Variants in ZC3H12C observed in about 807,000 individuals in gnomAD.
The protein encoded by ZC3H12C is zinc finger CCCH-type containing 12C, also known as probable ribonuclease ZC3H12C.
A neutral mutation model predicts 76.3 loss-of-function variants in ZC3H12C; 20 were observed. That is an observed-to-expected ratio of 0.26 (90% CI 0.18 to 0.38). The LOEUF (loss-of-function observed/expected upper bound fraction) is 0.38, where lower values mean the gene tolerates loss of function less well. Among genes scored for constraint, ZC3H12C ranks in the 10% least tolerant of loss-of-function variants. The probability of loss-of-function intolerance (pLI) is 1.00; values close to 1 mark genes in which losing one functional copy is unlikely to be tolerated. For missense variants in ZC3H12C, 874 were observed against 1,086.5 expected (o/e 0.80, Z 2.75); for synonymous variants, 352 against 399.6 (o/e 0.88, Z 1.42).
At chr11:110,095,936 TAATTC>T (rs1168757821) in intron 1 of ZC3H12C, among the ~76,000 whole-genome samples, 4 of 152,222 alleles carry the variant, frequency 2.6e-5, no homozygotes, top group Non-Finnish European at 1.5e-5. Flanking sequence ...TAATGAAAAT[TAATTC>T]AATCAGGATT....
intron 1 of ZC3H12C, among the ~76,000 whole-genome samples, chr11:110,095,056 T>C (rs780349915): frequency 2.5e-4 from 38 of 152,220 alleles, no homozygotes; most frequent in Non-Finnish European, 4.3e-4. Flanking sequence ...AACGGAACTA[T>C]TTTAGTATAA....
rs779618188 is a variant in ZC3H12C at position 110,137,353 on chromosome 11, G to T, written c.712G>T (p.Val238Leu). ...GTCTGAATCTCCAATGCAAGAGATT[G>T]TAACAGATGATGGTGAAAATCTGAG... The part of the protein sequence containing the change: ...QRSESPMQEI[V>L]TDDGENLRPI... Residue 238 changes from valine to leucine, a missense_variant, in exon 2 of 6, where the codon GTA (valine) becomes TTA (leucine). Val to Leu is a conservative substitution (Grantham distance 32). Coordinates refer to ENST00000278590, the MANE Select transcript of ZC3H12C (RefSeq NM_033390.2). The T allele has an allele frequency of 3.7e-5, 59 of 1,613,558 alleles. No homozygotes were observed. Among genetic ancestry groups the T allele is most frequent in the Middle Eastern group, 1.6e-4 (1 of 6,084 alleles).
rs569384050 is a variant in ZC3H12C at position 110,131,850 on chromosome 11, T to C, written c.22-4813T>C. The C allele has an allele frequency of 3.3e-5, 5 of 152,340 alleles. No individual in the cohort carries two copies. In the East Asian group the frequency reaches 9.6e-4, roughly 29 times the overall value. The allele number at this position is 152,340 out of a possible 1,614,324, so 9.4% of individuals were successfully genotyped here. On this transcript the variant is annotated intron_variant, in intron 1 of 5. Transcript: ENST00000278590. ...TACCACATGCCCTATTGTGCGAACA[T>C]ATGCATAAGTCTATTGAAAGTTTTC...
At chr11:110,141,615 C>G (rs578250578) in intron 2 of ZC3H12C, among the ~76,000 whole-genome samples, 7 of 152,228 alleles carry the variant, frequency 4.6e-5, no homozygotes, top group African/African-American at 1.7e-4. Context: ...GTTTAGACTA[C>G]AAATGAGACT....
At chr11:110,142,062 G>A (rs191035863) in intron 2 of ZC3H12C, among the ~76,000 whole-genome samples, 101 of 152,180 alleles carry the variant, frequency 6.6e-4, no homozygotes, top group African/African-American at 2.4e-3. Flanking sequence ...ACTTCATTTG[G>A]CAGTGCCCCA....
At chr11:110,104,386 T>C (rs566630989) in intron 1 of ZC3H12C, among the ~76,000 whole-genome samples, 11 of 152,176 alleles carry the variant, frequency 7.2e-5, no homozygotes, top group South Asian at 6.2e-4. Context: ...TATGGATTCA[T>C]GTTAGTGATT....
chr11:110,125,482 A>AT (rs1380582562), intron 1 of ZC3H12C, among the ~76,000 whole-genome samples: 2 of 152,010 alleles, frequency 1.3e-5, no homozygotes, highest in East Asian at 1.9e-4. Context: ...CACCATGCTA[A>AT]TTTTTTTGTA....
rs1350027738 is a variant in ZC3H12C, at chr11:110,164,118, T to C, written c.1256-223T>C. Among the ~76,000 whole-genome samples the C allele has an allele frequency of 6.7e-6, 1 of 149,174 alleles. No homozygotes were observed. Among genetic ancestry groups the C allele is most frequent in the African/African-American group, 2.5e-5 (1 of 40,714 alleles). Reference sequence around the variant, plus strand: ...TGTCTCAAAAAAAAAAAAAAAGTTCTGGAGGTGATTATTACTCATTCGGCC... The same window carrying C: ...TGTCTCAAAAAAAAAAAAAAAGTTCCGGAGGTGATTATTACTCATTCGGCC... On this transcript the variant is annotated intron_variant, in intron 5 of 5. Transcript: ENST00000278590. This position sits in a 1 kb window ranked among gnomAD's most constrained non-coding sequence, Gnocchi z 5.7.
intron 3 of ZC3H12C, among the ~76,000 whole-genome samples, chr11:110,155,359 T>G (rs947225904): frequency 6.6e-6 from 1 of 152,042 alleles, no homozygotes; most frequent in Non-Finnish European, 1.5e-5. Flanking sequence ...CTGAAGCAGT[T>G]ACTCATAGGC....
chr11:110,165,217 C>G lies in ZC3H12C; in HGVS notation c.2132C>G (p.Pro711Arg), dbSNP rs769544133. ...PPLPHLALHL[P>R]HSAVGARSSC... The stretch of plus-strand genomic sequence containing the variant: ...CTTCCGCACCTGGCTCTGCACCTGC[C>G]GCACTCCGCTGTGGGCGCCCGGTCC... Residue 711 changes from proline to arginine, a missense_variant, in exon 6 of 6, where the codon CCG becomes CGG. By Grantham distance (103) the Pro-to-Arg change is moderately radical. Coordinates refer to ENST00000278590, the MANE Select transcript of ZC3H12C (RefSeq NM_033390.2). 1.9e-6 allele frequency: 3 copies of G among 1,613,870 alleles called. No individual in the cohort carries two copies. Among genetic ancestry groups the G allele is most frequent in the Non-Finnish European group, 2.5e-6 (3 of 1,179,904 alleles).
chr11:110,124,817 T>A lies in ZC3H12C; in HGVS notation c.22-11846T>A, dbSNP rs1591468701. Among the ~76,000 whole-genome samples, 6 of 15,652 alleles carry A rather than the reference T, an allele frequency of 3.8e-4. No homozygotes were observed. In the Admixed American group the frequency reaches 4.9e-3, roughly 13 times the overall value. 10.3% of individuals were successfully genotyped at this position (15,652 alleles called of 152,430 possible). ...GAGACTTGTGATTTGCAGCTGAGAT[T>A]TTTTTTTTTTTTTAAGCAGAAGAGT... On this transcript the variant is annotated intron_variant, in intron 1 of 5. Coordinates refer to ENST00000278590, the MANE Select transcript of ZC3H12C (RefSeq NM_033390.2).
intron 2 of ZC3H12C, among the ~76,000 whole-genome samples, chr11:110,144,749 C>T (rs1472389301): frequency 3.3e-5 from 5 of 152,056 alleles, no homozygotes; most frequent in Non-Finnish European, 5.9e-5. Flanking sequence ...AAAAAGATAA[C>T]TGAAAAGAGG....
intron 1 of ZC3H12C, among the ~76,000 whole-genome samples, chr11:110,108,924 C>G (rs550768993): frequency 5.9e-5 from 9 of 152,182 alleles, no homozygotes; most frequent in Non-Finnish European, 1.0e-4. Context: ...GAGCTGTTAA[C>G]CAATACATGC....
At chr11:110,157,194 CAGAG>C (rs1374281929) in intron 3 of ZC3H12C, among the ~76,000 whole-genome samples, 1 of 143,234 alleles carries the variant, frequency 7.0e-6, no homozygotes, top group East Asian at 2.0e-4. Flanking sequence ...AAAAAAAAAA[CAGAG>C]AGATCAGCAG....
chr11:110,122,418 T>A (rs1188859373), intron 1 of ZC3H12C, among the ~76,000 whole-genome samples: 1 of 152,154 alleles, frequency 6.6e-6, no homozygotes, highest in Non-Finnish European at 1.5e-5. Context: ...TGAGTGATAA[T>A]CAATCATGTG....
chr11:110,117,103 G>T (rs1565251749), intron 1 of ZC3H12C, among the ~76,000 whole-genome samples: 1 of 152,220 alleles, frequency 6.6e-6, no homozygotes, highest in East Asian at 1.9e-4. Flanking sequence ...GTTTGCCATT[G>T]AGAGCAAGTT....
intron 3 of ZC3H12C, among the ~76,000 whole-genome samples, chr11:110,156,486 C>G (rs1862379210): frequency 6.6e-6 from 1 of 152,142 alleles, no homozygotes; most frequent in Non-Finnish European, 1.5e-5. Context: ...ATGTCCTAAC[C>G]TCATTAACAA....
chr11:110,153,105 A>T (rs1299755996), intron 3 of ZC3H12C, 47 bp downstream of exon 3: 1 of 1,587,622 alleles, frequency 6.3e-7, no homozygotes, highest in Non-Finnish European at 8.6e-7. Flanking sequence ...TCCTATAATA[A>T]CCATGCAGGT....
intron 4 of ZC3H12C, among the ~76,000 whole-genome samples, chr11:110,159,878 G>T (rs1347542069): frequency 6.6e-6 from 1 of 152,246 alleles, no homozygotes; most frequent in Non-Finnish European, 1.5e-5. Flanking sequence ...TAACAACAGG[G>T]ATACGTTCTG....
Sources: allele counts gnomAD v4.1 joint callset (sites outside exome capture counted in the v4.1 genomes callset), GRCh38; gene constraint gnomAD v4.1.1; non-coding constraint Gnocchi (gnomAD v3.1); transcripts MANE v1.5; gene names NCBI Gene and HGNC (gene_info 2026-07-23, HGNC 2026-07-21).